TXNDC12: variants seen among roughly 807,000 people sequenced by gnomAD.
TXNDC12 encodes the protein thioredoxin domain containing 12.
Under a neutral mutation model 24.2 loss-of-function variants are expected in TXNDC12, and 22 were observed. The ratio of observed to expected loss-of-function variants is 0.91; its 90% CI spans 0.65 to 1.30. The LOEUF (loss-of-function observed/expected upper bound fraction) is 1.30. Among genes scored for constraint, TXNDC12 ranks in the 50% most tolerant of loss-of-function variants. The probability of loss-of-function intolerance (pLI) is 0.00; values close to 1 mark genes in which losing one functional copy is unlikely to be tolerated. For missense variants in TXNDC12, 184 were observed against 205.8 expected (o/e 0.89, Z 0.65); for synonymous variants, 58 against 73.4 (o/e 0.79, Z 1.07).
intron 1 of TXNDC12, among the ~76,000 whole-genome samples, chr1:52,051,251 G>A (rs1310935022): frequency 6.6e-6 from 1 of 152,194 alleles, no homozygotes; most frequent in Admixed American, 6.5e-5. Flanking sequence ...GAACTCTATA[G>A]AACGTTAGAG....
chr1:52,033,910 C>T (rs952404050), intron 2 of TXNDC12: 12 of 1,431,222 alleles, frequency 8.4e-6, no homozygotes, highest in Non-Finnish European at 1.8e-6. Flanking sequence ...AGTTCTACGC[C>T]AGCTAGGCCC....
chr1:52,034,267 G>A (rs17106988), intron 2 of TXNDC12, among the ~76,000 whole-genome samples: 11,581 of 152,178 alleles, frequency 0.076, 529 homozygotes, highest in African/African-American at 0.13. Flanking sequence ...GGTCTGAATG[G>A]GAAGGATCAG....
At chr1:52,032,912 C>A in intron 2 of TXNDC12, 2 of 1,611,270 alleles carry the variant, frequency 1.2e-6, no homozygotes, top group Non-Finnish European at 1.7e-6. Context: ...TCCATCAATC[C>A]GGCCAGTACT....
At chr1:52,051,385 A>T (rs2783187) in intron 1 of TXNDC12, among the ~76,000 whole-genome samples, 7,794 of 151,374 alleles carry the variant, frequency 0.051, 248 homozygotes, top group East Asian at 0.13. Flanking sequence ...TTATTTATTT[A>T]TTTTTTTTGA....
At chr1:52,033,219 A>T in intron 2 of TXNDC12, 1 of 1,614,182 alleles carries the variant, frequency 6.2e-7, no homozygotes, top group East Asian at 2.2e-5. Flanking sequence ...GAGACTCCGC[A>T]GCCCCGGATT....
chr1:52,033,157 G>T (rs752864349), intron 2 of TXNDC12: 6 of 1,614,212 alleles, frequency 3.7e-6, no homozygotes, highest in Non-Finnish European at 3.4e-6. Flanking sequence ...AGAGTAAAAG[G>T]CACCGGACCC....
intron 2 of TXNDC12, chr1:52,033,274 T>C: frequency 6.2e-7 from 1 of 1,613,920 alleles, no homozygotes; most frequent in Non-Finnish European, 8.5e-7. Context: ...GGCACTTCCA[T>C]TTACTACAGA....
intron 2 of TXNDC12, chr1:52,032,556 A>C (rs1167832872): frequency 3.0e-5 from 42 of 1,407,402 alleles, no homozygotes; most frequent in Non-Finnish European, 3.9e-5. Context: ...AGGGGTATGC[A>C]GGAAAGTTTG....
intron 2 of TXNDC12, among the ~76,000 whole-genome samples, chr1:52,039,289 T>C (rs558632959): frequency 8.7e-4 from 133 of 152,162 alleles, no homozygotes; most frequent in Non-Finnish European, 1.3e-4. Context: ...TTTATGATAT[T>C]GTACTAAATA....
At chr1:52,035,133 T>G (rs1685858263) in intron 2 of TXNDC12, among the ~76,000 whole-genome samples, 1 of 152,212 alleles carries the variant, frequency 6.6e-6, no homozygotes, top group African/African-American at 2.4e-5. Context: ...GCCATGAAAC[T>G]GTTGGATCTC....
chr1:52,044,211 G>C (rs1686045770), intron 1 of TXNDC12: 1 of 152,210 alleles, frequency 6.6e-6, no homozygotes, highest in Admixed American at 6.5e-5. Flanking sequence ...ACTAGACTCA[G>C]TAATGACAGA....
At chr1:52,021,533 T>C (rs894097868) in intron 6 of TXNDC12, among the ~76,000 whole-genome samples, 3 of 120,606 alleles carry the variant, frequency 2.5e-5, no homozygotes, top group Non-Finnish European at 4.9e-5. Flanking sequence ...GTATCAACTA[T>C]ACATGGATGA....
intron 2 of TXNDC12, chr1:52,033,936 A>G (rs1685834503): frequency 9.1e-6 from 13 of 1,429,986 alleles, no homozygotes; most frequent in Non-Finnish European, 1.0e-5. Flanking sequence ...CAGCTTTCTC[A>G]GAAAGGAGAT....
At chr1:52,046,772 C>T (rs1169641129) in intron 1 of TXNDC12, among the ~76,000 whole-genome samples, 2 of 150,908 alleles carry the variant, frequency 1.3e-5, no homozygotes, top group Admixed American at 6.6e-5. Context: ...AATCCCAGCA[C>T]TTTGGGAGGC....
intron 6 of TXNDC12, chr1:52,023,241 G>T: frequency 5.5e-6 from 2 of 366,760 alleles, no homozygotes; most frequent in South Asian, 4.3e-5. Context: ...GAAACTATGG[G>T]CAAGTGACTA....
intron 2 of TXNDC12, among the ~76,000 whole-genome samples, chr1:52,028,920 G>A (rs1685712546): frequency 6.6e-6 from 1 of 152,098 alleles, no homozygotes; most frequent in Non-Finnish European, 1.5e-5. Context: ...TTGAGGCCAC[G>A]GATTCAAGAC....
intron 1 of TXNDC12, chr1:52,052,550 G>C (rs200774513): frequency 5.9e-6 from 1 of 169,134 alleles, no homozygotes; most frequent in Non-Finnish European, 1.5e-5. Context: ...GAGCCCATGC[G>C]GAAAGATCAC....
intron 1 of TXNDC12, among the ~76,000 whole-genome samples, chr1:52,049,874 AC>A (rs1232914330): frequency 6.6e-6 from 1 of 152,210 alleles, no homozygotes; most frequent in Non-Finnish European, 1.5e-5. Flanking sequence ...TATTATAGTA[AC>A]AATATTAATG....
intron 3 of TXNDC12, among the ~76,000 whole-genome samples, chr1:52,027,802 GTA>G (rs917152007): frequency 6.7e-5 from 10 of 149,322 alleles, no homozygotes; most frequent in African/African-American, 2.5e-4. Context: ...GTATATATGT[GTA>G]TATATGTTAT....
Sources: allele counts gnomAD v4.1 joint callset (sites outside exome capture counted in the v4.1 genomes callset), GRCh38; gene constraint gnomAD v4.1.1; transcripts MANE v1.5; gene names NCBI Gene and HGNC (gene_info 2026-07-23, HGNC 2026-07-21).